RBP2: variants seen among roughly 807,000 people sequenced by gnomAD.
RBP2 encodes the protein retinol binding protein 2.
In RBP2, 17 loss-of-function variants were observed where a neutral mutation model predicts 17.0. The ratio of observed to expected loss-of-function variants is 1.00; its 90% CI spans 0.68 to 1.50. RBP2 has a LOEUF of 1.50. Ranked by LOEUF, RBP2 falls within the 40% of genes most tolerant of loss-of-function variation. The pLI, the probability that RBP2 is intolerant of heterozygous loss-of-function variation, is 0.00. For missense variants in RBP2, 158 were observed against 168.2 expected (o/e 0.94, Z 0.33); for synonymous variants, 48 against 57.1 (o/e 0.84, Z 0.72).
chr3:139,471,536 T>C (rs1933570405), intron 1 of RBP2, among the ~76,000 whole-genome samples: 1 of 152,260 alleles, frequency 6.6e-6, no homozygotes, highest in Non-Finnish European at 1.5e-5. Flanking sequence ...TCATAGAAGA[T>C]AATCCTCACC....
chr3:139,453,230 C>T lies in RBP2; in HGVS notation c.355-64G>A, dbSNP rs181847830. 78 of 1,584,740 alleles carry T rather than the reference C, an allele frequency of 4.9e-5. No individual in the cohort carries two copies. In the East Asian group the frequency reaches 1.5e-3, roughly 30 times the overall value. ...GGCCTTTCTTCTGCCCAGCCCTCAG[C>T]CCCCTTGGTATCTGGGGGTGGGAGG... On this transcript the variant is annotated intron_variant, in intron 3 of 3. Coordinates refer to ENST00000232217, the MANE Select transcript of RBP2 (RefSeq NM_004164.3).
At chr3:139,476,115 C>T (rs373106099) in intron 1 of RBP2, among the ~76,000 whole-genome samples, 105 of 152,268 alleles carry the variant, frequency 6.9e-4, no homozygotes, top group African/African-American at 2.5e-3. Context: ...TGTGTGTATC[C>T]TCCTGACATA....
At chr3:139,465,576 G>A (rs1285646110) in intron 1 of RBP2, among the ~76,000 whole-genome samples, 2 of 152,134 alleles carry the variant, frequency 1.3e-5, no homozygotes, top group African/African-American at 2.4e-5. Flanking sequence ...CAAGCTCTGG[G>A]GTAGCCCAGT....
chr3:139,468,263 A>G (rs943911668), intron 1 of RBP2, among the ~76,000 whole-genome samples: 1 of 152,182 alleles, frequency 6.6e-6, no homozygotes, highest in Non-Finnish European at 1.5e-5. Context: ...ACTCCTGACA[A>G]TTTCTTTACA....
At chr3:139,471,104 G>A (rs1237754918) in intron 1 of RBP2, among the ~76,000 whole-genome samples, 1 of 152,144 alleles carries the variant, frequency 6.6e-6, no homozygotes, top group African/African-American at 2.4e-5. Context: ...CTCCCCACTA[G>A]CATGTAAACT....
chr3:139,455,089 G>T (rs1002483146), intron 2 of RBP2, among the ~76,000 whole-genome samples: 195 of 152,268 alleles, frequency 1.3e-3, no homozygotes, highest in African/African-American at 4.5e-3. Flanking sequence ...GGTAAAAATA[G>T]CATTTCAAAT....
At chr3:139,474,026 T>C (rs1440325295) in intron 1 of RBP2, among the ~76,000 whole-genome samples, 1 of 152,198 alleles carries the variant, frequency 6.6e-6, no homozygotes, top group East Asian at 1.9e-4. Flanking sequence ...CACTCTACAC[T>C]GCGGAGATCA....
rs758828132 is a variant in RBP2, at chr3:139,462,189, G to A, written c.175C>T (p.Arg59Cys). ...NFKTKTTSTF[R>C]NYDVDFTVGV... ...ACAGTGAAATCCACATCATAGTTGC[G>A]GAATGTGCTAGTGGTTTTTGTCTTG... The change falls in exon 2 of 4, where the codon CGC becomes TGC. Residue 59 changes from arginine to cysteine, a missense_variant. By Grantham distance (180) the Arg-to-Cys change is radical. Transcript: ENST00000232217. 136 of 1,613,926 alleles carry A rather than the reference G, an allele frequency of 8.4e-5. No individual in the cohort carries two copies. Among genetic ancestry groups the A allele is most frequent in the Non-Finnish European group, 1.1e-4 (128 of 1,180,010 alleles).
Position 139,462,142 on chromosome 3 carries a change from G to C in RBP2, c.222C>G (p.Tyr74Ter). 1 of 1,614,010 alleles carries C rather than the reference G, an allele frequency of 6.2e-7. No individual in the cohort carries two copies. Among genetic ancestry groups the C allele is most frequent in the Non-Finnish European group, 8.5e-7 (1 of 1,180,000 alleles). ...CATGCCGGTTATCCAGGCTCTTTGT[G>C]TACTCGTCAAACTCTACTCCAACAG... ...DFTVGVEFDE[Y>*]TKSLDNRHVK... Residue 74 changes from tyrosine to a stop codon, truncating the protein, a stop_gained, in exon 2 of 4, where the codon TAC becomes TAG. Transcript: ENST00000232217. LOFTEE classifies it high-confidence loss of function.
chr3:139,469,687 G>GTCTGTCTGTCTATCTGTCTATCTATCTA (rs1432677359), intron 1 of RBP2, among the ~76,000 whole-genome samples: 2 of 132,868 alleles, frequency 1.5e-5, no homozygotes, highest in Non-Finnish European at 3.2e-5. Context: ...CTGTCTGTCT[G>GTCTGTCTGTCTATCTGTCTATCTATCTA]TCTATCTATC....
At chr3:139,456,628 A>G (rs1454824861) in intron 2 of RBP2, among the ~76,000 whole-genome samples, 2 of 152,202 alleles carry the variant, frequency 1.3e-5, no homozygotes, top group Non-Finnish European at 2.9e-5. Flanking sequence ...ATGTCTGTAC[A>G]TGTTTCCTGC....
At chr3:139,469,683 G>GTCTGTCTATCTA (rs1237435642) in intron 1 of RBP2, among the ~76,000 whole-genome samples, 1 of 127,550 alleles carries the variant, frequency 7.8e-6, no homozygotes, top group Non-Finnish European at 1.8e-5. Context: ...CTGTCTGTCT[G>GTCTGTCTATCTA]TCTGTCTATC....
At chr3:139,474,684 A>T (rs1933671642) in intron 1 of RBP2, among the ~76,000 whole-genome samples, 1 of 152,168 alleles carries the variant, frequency 6.6e-6, no homozygotes, top group African/African-American at 2.4e-5. Flanking sequence ...AGATGAGGAA[A>T]CCGAGGTTCC....
At chr3:139,468,643 G>A (rs1259945266) in intron 1 of RBP2, among the ~76,000 whole-genome samples, 1 of 151,890 alleles carries the variant, frequency 6.6e-6, no homozygotes, top group Non-Finnish European at 1.5e-5. Context: ...AACTGAGGAT[G>A]TAGAACACAC....
At chr3:139,473,556 C>T (rs1278058515) in intron 1 of RBP2, among the ~76,000 whole-genome samples, 1 of 152,172 alleles carries the variant, frequency 6.6e-6, no homozygotes, top group East Asian at 1.9e-4. Flanking sequence ...CATACTCTTC[C>T]CAAATGCTAA....
At chr3:139,453,294 G>T in intron 3 of RBP2, 128 bp from the exon 4 acceptor site, 1 of 956,390 alleles carries the variant, frequency 1.0e-6, no homozygotes, top group Non-Finnish European at 1.7e-6. Flanking sequence ...TGGGCAAAGT[G>T]CATCTCACAG....
chr3:139,462,166 A>G lies in RBP2; in HGVS notation c.198T>C (p.Thr66=), dbSNP rs1470442583. ...TGTACTCGTCAAACTCTACTCCAAC[A>G]GTGAAATCCACATCATAGTTGCGGA... ...STFRNYDVDF[T]VGVEFDEYTK... Residue 66 remains threonine (T), a synonymous_variant, in exon 2 of 4, where the codon ACT becomes ACC. Transcript: ENST00000232217. The G allele has an allele frequency of 1.2e-6, 2 of 1,614,160 alleles. No homozygotes were observed. The highest frequency in any genetic ancestry group is 2.7e-5 in the African/African-American group (2 of 75,046).
intron 3 of RBP2, 91 bp downstream of exon 3, chr3:139,454,638 G>T: frequency 8.2e-7 from 1 of 1,219,194 alleles, no homozygotes; most frequent in Non-Finnish European, 1.2e-6. Context: ...AGGAGTGCAG[G>T]GCCATTTTTC....
chr3:139,460,143 AATGAATC>A (rs1296191804), intron 2 of RBP2, among the ~76,000 whole-genome samples: 1 of 152,226 alleles, frequency 6.6e-6, no homozygotes, highest in Non-Finnish European at 1.5e-5. Context: ...GGTGAGGGAA[AATGAATC>A]ATTTTGCACT....
Sources: allele counts gnomAD v4.1 joint callset (sites outside exome capture counted in the v4.1 genomes callset), GRCh38; gene constraint gnomAD v4.1.1; transcripts MANE v1.5; gene names NCBI Gene and HGNC (gene_info 2026-07-23, HGNC 2026-07-21).